Variants in FARP1 observed in about 807,000 individuals in gnomAD.
FARP1 encodes the protein FERM, ARH/RhoGEF and pleckstrin domain protein 1.
FARP1 carries 52 observed loss-of-function variants against 128.8 expected under a neutral mutation model. The observed-to-expected ratio is 0.40, with a 90% CI of 0.32 to 0.51. The LOEUF is 0.51. FARP1 is among the 20% of genes least tolerant of loss of function. The pLI, the probability that FARP1 is intolerant of heterozygous loss-of-function variation, is 0.45. For synonymous variants in FARP1, 580 were observed against 551.8 expected, an observed-to-expected ratio of 1.05 and a Z score of -0.72; for missense variants, 1,333 against 1,367.9, an observed-to-expected ratio of 0.97 and a Z score of 0.40.
intron 10 of FARP1, chr13:98,390,502 G>A: frequency 2.3e-6 from 1 of 441,396 alleles, no homozygotes; most frequent in Non-Finnish European, 4.0e-6. Context: ...TCCAGGCACT[G>A]AGCCCAGTGA....
chr13:98,416,615 T>C (rs1384205698), intron 16 of FARP1, among the ~76,000 whole-genome samples: 3 of 152,218 alleles, frequency 2.0e-5, no homozygotes, highest in Non-Finnish European at 2.9e-5. Context: ...GTTCTTTTCC[T>C]TGTGAAAGCA....
At chr13:98,275,935 G>T (rs1004828587) in intron 2 of FARP1, among the ~76,000 whole-genome samples, 1 of 152,134 alleles carries the variant, frequency 6.6e-6, no homozygotes, top group Non-Finnish European at 1.5e-5. Flanking sequence ...GAAAAATTAT[G>T]ATCTGTGTGT....
intron 4 of FARP1, among the ~76,000 whole-genome samples, chr13:98,366,555 C>T (rs1188771427): frequency 1.3e-5 from 2 of 152,232 alleles, no homozygotes; most frequent in Non-Finnish European, 2.9e-5. Flanking sequence ...ATCTTTGGCG[C>T]AGACCTGAAG....
At chr13:98,193,255 A>G (rs1332885663) in intron 1 of FARP1, among the ~76,000 whole-genome samples, 2 of 152,092 alleles carry the variant, frequency 1.3e-5, no homozygotes, top group East Asian at 1.9e-4. Flanking sequence ...ACAGGGTTTC[A>G]CCATATTGGC....
intron 2 of FARP1, among the ~76,000 whole-genome samples, chr13:98,224,281 A>G (rs575360565): frequency 6.6e-6 from 1 of 152,122 alleles, no homozygotes; most frequent in South Asian, 2.1e-4. Flanking sequence ...TAATCCCAGC[A>G]CTTTGGGAGG....
At chr13:98,314,466 G>T (rs1285805519) in intron 2 of FARP1, among the ~76,000 whole-genome samples, 1 of 151,790 alleles carries the variant, frequency 6.6e-6, no homozygotes, top group Non-Finnish European at 1.5e-5. Context: ...TTTTAGTAGA[G>T]ACAGGGTTTC....
intron 11 of FARP1, among the ~76,000 whole-genome samples, chr13:98,391,796 C>T (rs1256666306): frequency 6.6e-6 from 1 of 152,146 alleles, no homozygotes; most frequent in Non-Finnish European, 1.5e-5. Flanking sequence ...CAGTTTCTGG[C>T]CAGCCAGCCA....
At chr13:98,388,796 A>G (rs2140050932) in intron 9 of FARP1, among the ~76,000 whole-genome samples, 1 of 152,304 alleles carries the variant, frequency 6.6e-6, no homozygotes, top group East Asian at 1.9e-4. Context: ...CTGTGCATCC[A>G]GCCCCAGGCT....
chr13:98,411,533 A>G (rs1373908634), intron 15 of FARP1, among the ~76,000 whole-genome samples: 1 of 152,206 alleles, frequency 6.6e-6, no homozygotes, highest in African/African-American at 2.4e-5. Flanking sequence ...ACAGAGATGG[A>G]AGTTCTTAAA....
At chr13:98,212,589 A>G (rs1184479488) in intron 1 of FARP1, among the ~76,000 whole-genome samples, 5 of 135,488 alleles carry the variant, frequency 3.7e-5, no homozygotes, top group African/African-American at 1.1e-4. Context: ...AGTGTGTAGA[A>G]TGGCTTCTTG....
chr13:98,387,221 A>G (rs1304221000), intron 8 of FARP1, among the ~76,000 whole-genome samples: 1 of 152,126 alleles, frequency 6.6e-6, no homozygotes, highest in Non-Finnish European at 1.5e-5. Flanking sequence ...GAATCGCTTG[A>G]ATTTGGGAAG....
intron 1 of FARP1, among the ~76,000 whole-genome samples, chr13:98,178,449 G>A (rs1213387655): frequency 6.6e-6 from 1 of 152,172 alleles, no homozygotes; most frequent in African/African-American, 2.4e-5. Flanking sequence ...ACCCACCTTG[G>A]CCTCCTAAAA....
chr13:98,271,661 G>A (rs1282895144), intron 2 of FARP1, among the ~76,000 whole-genome samples: 1 of 152,124 alleles, frequency 6.6e-6, no homozygotes, highest in Non-Finnish European at 1.5e-5. Flanking sequence ...AACGTGTGGT[G>A]TTTGGTTTTC....
chr13:98,192,015 G>A (rs186096462), intron 1 of FARP1, among the ~76,000 whole-genome samples: 1 of 152,066 alleles, frequency 6.6e-6, no homozygotes, highest in East Asian at 1.9e-4. Flanking sequence ...ACCCCAGCAA[G>A]TCAAATTCTT....
chr13:98,440,188 GCAGCAGCCCCGCCCCTGAGTTCCTGGC>G lies in FARP1; in HGVS notation c.2593_2619del (p.Ala865_Pro873del). The G allele has an allele frequency of 1.2e-6, 2 of 1,614,060 alleles. No homozygotes were observed. Among genetic ancestry groups the G allele is most frequent in the South Asian group, 1.1e-5 (1 of 91,072 alleles). ...ATGGCCATTGACCTGGCGGAGAAGA[GCAGCAGCCCCGCCCCTGAGTTCCTGGC>G]CAGCAGCCCCCCTGACAACAGTGAG... On this transcript the variant is annotated inframe_deletion, in exon 23 of 27. Transcript: ENST00000319562.
At chr13:98,192,516 AG>A (rs1411587896) in intron 1 of FARP1, among the ~76,000 whole-genome samples, 1 of 151,904 alleles carries the variant, frequency 6.6e-6, no homozygotes, top group Non-Finnish European at 1.5e-5. Context: ...CAGCCTTTCG[AG>A]TAGCTGGGAT....
At position 98,446,220 on chromosome 13, in the gene FARP1, C is replaced by T; in HGVS notation, c.2904+15C>T. 3 of 1,564,714 alleles carry T rather than the reference C, an allele frequency of 1.9e-6. No individual in the cohort carries two copies. Among genetic ancestry groups the T allele is most frequent in the East Asian group, 2.2e-5 (1 of 44,624 alleles). On this transcript the variant is annotated intron_variant, in intron 25 of 26. Coordinates refer to ENST00000319562, the MANE Select transcript of FARP1 (RefSeq NM_005766.4). ...AATCACACCAGGTAAGTGTCTCGCA[C>T]AGGGCAGGTGGCCCTGGGACCTTGG...
chr13:98,226,557 G>T (rs138167580), intron 2 of FARP1, among the ~76,000 whole-genome samples: 19 of 150,886 alleles, frequency 1.3e-4, no homozygotes. Context: ...TTAACAAACC[G>T]TTTGAAAAAT....
chr13:98,278,189 G>A (rs1350170413), intron 2 of FARP1, among the ~76,000 whole-genome samples: 1 of 151,088 alleles, frequency 6.6e-6, no homozygotes, highest in Non-Finnish European at 1.5e-5. Context: ...GTGTGTGTGT[G>A]TATGTTCTGT....
Sources: gnomAD v4.1 joint callset for allele counts (sites outside exome capture counted in the v4.1 genomes callset) on GRCh38, gnomAD v4.1.1 for gene constraint, MANE v1.5 for transcripts, NCBI Gene and HGNC (gene_info 2026-07-23, HGNC 2026-07-21) for gene names.